The following LRRC37B variants were observed in gnomAD, a reference collection of about 807,000 sequenced individuals.
LRRC37B encodes the protein leucine rich repeat containing 37B.
Under a neutral mutation model 98.3 loss-of-function variants are expected in LRRC37B, and 28 were observed. The observed-to-expected ratio is 0.28, with a 90% CI of 0.21 to 0.39. The LOEUF is 0.39. LRRC37B is among the 10% of genes least tolerant of loss of function. The pLI, the probability that LRRC37B is intolerant of heterozygous loss-of-function variation, is 1.00. For missense variants in LRRC37B, 938 were observed against 1,182.7 expected (o/e 0.79, Z 3.03); for synonymous variants, 364 against 442.7 (o/e 0.82, Z 2.23).
upstream of LRRC37B, among the ~76,000 whole-genome samples, chr17:32,019,209 G>A (rs55659331): frequency 9.5e-4 from 145 of 152,282 alleles, 1 homozygote; most frequent in African/African-American, 3.3e-3. Flanking sequence ...TTACAGGTGC[G>A]AGCCGCTGCG....
upstream of LRRC37B, among the ~76,000 whole-genome samples, chr17:32,020,055 G>A (rs539410306): frequency 7.5e-4 from 114 of 152,238 alleles, no homozygotes; most frequent in African/African-American, 2.7e-3. Context: ...ATGTTGATCA[G>A]GCTGGTCTGG....
chr17:32,043,561 A>G (rs559329636), intron 7 of LRRC37B, among the ~76,000 whole-genome samples: 1 of 152,338 alleles, frequency 6.6e-6, no homozygotes, highest in African/African-American at 2.4e-5. Context: ...CTCAGCCTCA[A>G]AACAAAAGAA....
At chr17:32,022,184 A>G in exon 1 of LRRC37B, 3 of 1,613,724 alleles carry the variant, frequency 1.9e-6, no homozygotes, top group Non-Finnish European at 2.5e-6. Context: ...TCAAACCTGC[A>G]GATGTGGAGG....
intron 5 of LRRC37B, chr17:32,034,196 A>C (rs1421645903): frequency 6.6e-6 from 1 of 152,070 alleles, no homozygotes; most frequent in East Asian, 1.9e-4. Context: ...AATTTAAAAA[A>C]CTTTATAAAG....
At chr17:32,036,844 A>T (rs1196942038) in intron 7 of LRRC37B, among the ~76,000 whole-genome samples, 1 of 152,130 alleles carries the variant, frequency 6.6e-6, no homozygotes, top group African/African-American at 2.4e-5. Flanking sequence ...AATACCTAGG[A>T]GTTGGATTCT....
chr17:32,012,212 T>C (rs561728075), intron 1 of LRRC37B, among the ~76,000 whole-genome samples: 2 of 152,330 alleles, frequency 1.3e-5, no homozygotes, highest in African/African-American at 2.4e-5. Context: ...CTGCTTGTTC[T>C]AGTGATTACT....
Position 32,024,628 on chromosome 17 carries a change from C to T in LRRC37B, c.1761-83C>T, listed in dbSNP as rs184184550. The T allele has an allele frequency of 4.2e-3, 6,745 of 1,603,992 alleles. 179 individuals carry two copies. In the South Asian group the frequency reaches 0.05, roughly 12 times the overall value. On this transcript the variant is annotated intron_variant, in intron 1 of 11. Coordinates refer to ENST00000327564, the Ensembl canonical transcript of LRRC37B. ...GTTATTTTCTGTTTCCGAATATCCC[C>T]GACAAGGTTGCCATGATTCTTTTAT... is the stretch of plus-strand genomic sequence containing the variant.
chr17:32,041,556 A>T (rs1462956439), intron 7 of LRRC37B: 5 of 493,008 alleles, frequency 1.0e-5, no homozygotes, highest in South Asian at 7.7e-5. Context: ...CCGCCCCTCC[A>T]TCCACACTGG....
chr17:32,024,362 T>C, intron 1 of LRRC37B: 1 of 587,732 alleles, frequency 1.7e-6, no homozygotes, highest in Non-Finnish European at 3.1e-6. Context: ...TGCCCATTTT[T>C]CTGTTGAATT....
chr17:32,035,576 C>T (rs764738983), exon 7 of LRRC37B: 13 of 1,612,228 alleles, frequency 8.1e-6, no homozygotes, highest in Non-Finnish European at 1.1e-5. Context: ...GACATGGGAA[C>T]AACACACATC....
intron 8 of LRRC37B, 78 bp from the exon 12 acceptor site, chr17:32,047,683 G>A: frequency 6.2e-7 from 1 of 1,600,648 alleles, no homozygotes; most frequent in East Asian, 2.2e-5. Context: ...TGTGTGACTG[G>A]GGCATATAGC....
chr17:32,012,172 A>G (rs1910538539), intron 1 of LRRC37B, among the ~76,000 whole-genome samples: 2 of 152,208 alleles, frequency 1.3e-5, no homozygotes, highest in South Asian at 4.1e-4. Flanking sequence ...GATCGTGTTA[A>G]GGTCTGCTCT....
At chr17:32,037,441 T>A (rs1911279491) in intron 7 of LRRC37B, among the ~76,000 whole-genome samples, 1 of 151,886 alleles carries the variant, frequency 6.6e-6, no homozygotes, top group African/African-American at 2.4e-5. Context: ...AATTTTTATA[T>A]TTTTAGTAGA....
intron 7 of LRRC37B, among the ~76,000 whole-genome samples, chr17:32,037,692 G>A (rs1033158265): frequency 6.6e-6 from 1 of 152,236 alleles, no homozygotes; most frequent in African/African-American, 2.4e-5. Flanking sequence ...GAATGTTCAT[G>A]TGCAAATATC....
At chr17:32,011,296 G>A (rs902392681) in intron 1 of LRRC37B, among the ~76,000 whole-genome samples, 20 of 150,348 alleles carry the variant, frequency 1.3e-4, no homozygotes, top group African/African-American at 4.4e-4. Context: ...TGCCCGGCCC[G>A]GATTTCACTT....
intron 7 of LRRC37B, chr17:32,040,311 T>C (rs2957889): frequency 0.019 from 6,382 of 331,928 alleles, 98 homozygotes; most frequent in South Asian, 0.028. Flanking sequence ...GAACTCGAGG[T>C]GGCCCCGGGG....
chr17:32,025,441 T>C (rs1367509526), intron 2 of LRRC37B, among the ~76,000 whole-genome samples: 1 of 151,726 alleles, frequency 6.6e-6, no homozygotes, highest in Non-Finnish European at 1.5e-5. Flanking sequence ...GTGTTTAGTA[T>C]ACATGCTTCC....
chr17:32,053,196 G>A, intron 11 of LRRC37B, 70 bp from the exon 15 acceptor site: 1 of 1,001,142 alleles, frequency 1.0e-6, no homozygotes, highest in Non-Finnish European at 1.6e-6. Context: ...ATGAATAAAA[G>A]GAATGAATAC....
At chr17:32,047,263 C>A in intron 8 of LRRC37B, 1 of 188,722 alleles carries the variant, frequency 5.3e-6, no homozygotes, top group Non-Finnish European at 1.1e-5. Flanking sequence ...CGCCCTGCTC[C>A]TTTAGCATCT....
Sources: allele counts gnomAD v4.1 joint callset (sites outside exome capture counted in the v4.1 genomes callset), GRCh38; gene constraint gnomAD v4.1.1; transcripts MANE v1.5; gene names NCBI Gene and HGNC (gene_info 2026-07-23, HGNC 2026-07-21).